The following TG variants were observed in gnomAD, a reference collection of about 807,000 sequenced individuals.
The protein encoded by TG is thyroid hormones.
A neutral mutation model predicts 324.7 loss-of-function variants in TG; 270 were observed. The ratio of observed to expected loss-of-function variants is 0.83; its 90% CI spans 0.75 to 0.92. The LOEUF (loss-of-function observed/expected upper bound fraction) is 0.92, where lower values mean the gene tolerates loss of function less well. TG is among the 40% of genes least tolerant of loss of function. The pLI, the probability that TG is intolerant of heterozygous loss-of-function variation, is 0.00. For missense variants in TG, 3,591 were observed against 3,456.4 expected, an observed-to-expected ratio of 1.04 and a Z score of -0.98; for synonymous variants, 1,401 against 1,327.0, an observed-to-expected ratio of 1.06 and a Z score of -1.21.
Position 132,960,958 on chromosome 8 carries a change from C to T in TG, c.5402-50C>T, listed in dbSNP as rs73353444. On this transcript the variant is annotated intron_variant, in intron 27 of 47. Transcript: ENST00000220616. ...GGGGCTATTGCAGTAATGGTGGGTA[C>T]CCAGTGACAGCACACTCAAGCTCAT... 2,377 of 1,569,936 alleles carry T rather than the reference C, an allele frequency of 1.5e-3. 29 individuals are homozygous for T. The African/African-American group carries it at 0.029, about 19-fold the overall frequency.
intron 35 of TG, chr8:132,994,615 A>G (rs1164637584): frequency 2.5e-6 from 3 of 1,178,516 alleles, no homozygotes; most frequent in Non-Finnish European, 3.3e-6. Flanking sequence ...TCCTTCAGTC[A>G]TCCATTCATT....
intron 43 of TG, among the ~76,000 whole-genome samples, chr8:133,112,359 G>C (rs566854643): frequency 6.6e-6 from 1 of 152,298 alleles, no homozygotes; most frequent in South Asian, 2.1e-4. Flanking sequence ...GACTGTGCTG[G>C]GGCCCAGGAG....
intron 37 of TG, among the ~76,000 whole-genome samples, chr8:133,015,695 C>A (rs1834963519): frequency 6.6e-6 from 1 of 152,202 alleles, no homozygotes; most frequent in African/African-American, 2.4e-5. Flanking sequence ...GAATGAGGTT[C>A]CAGCACTTCA....
chr8:133,095,200 C>G lies in TG; in HGVS notation c.7396C>G (p.Gln2466Glu), dbSNP rs1481485390. ...GCCTGCCAATGTCCTCAATGATGCC[C>G]AGACCAAGGTGAGCACTTAAGTGCA... ...QKPANVLNDAQTKLLAVSGPF... is the reference protein window; with the variant it reads ...QKPANVLNDAETKLLAVSGPF... Residue 2466 changes from glutamine to glutamate, a missense_variant, in exon 42 of 48, where the codon CAG becomes GAG. Transcript: ENST00000220616. 2 of 1,614,232 alleles carry G rather than the reference C, an allele frequency of 1.2e-6. No homozygotes were observed. Among genetic ancestry groups the G allele is most frequent in the Non-Finnish European group, 1.7e-6 (2 of 1,180,036 alleles).
chr8:133,087,712 A>C (rs563223917), intron 41 of TG: 1 of 152,200 alleles, frequency 6.6e-6, no homozygotes, highest in Non-Finnish European at 1.5e-5. Flanking sequence ...TCCATCATTC[A>C]CTCACCTTGA....
intron 6 of TG, 105 bp downstream of exon 6, chr8:132,882,074 C>T (rs1298919454): frequency 3.6e-6 from 3 of 827,242 alleles, no homozygotes; most frequent in Non-Finnish European, 6.0e-6. Context: ...GACTGCCTGC[C>T]CCCTGCCAGG....
At chr8:133,066,875 T>C (rs1268350664) in intron 41 of TG, among the ~76,000 whole-genome samples, 1 of 152,228 alleles carries the variant, frequency 6.6e-6, no homozygotes, top group Non-Finnish European at 1.5e-5. Context: ...GTGCAGGGGC[T>C]GGGGGGTTGG....
At chr8:133,046,635 C>A (rs940954393) in intron 41 of TG, 1 of 152,252 alleles carries the variant, frequency 6.6e-6, no homozygotes, top group African/African-American at 2.4e-5. Flanking sequence ...TTACGACACC[C>A]ACCCTGGGTT....
chr8:132,946,126 C>T (rs1375491463), intron 26 of TG, among the ~76,000 whole-genome samples: 1 of 151,894 alleles, frequency 6.6e-6, no homozygotes, highest in African/African-American at 2.4e-5. Context: ...AACTCAAATC[C>T]AGGATTCCTC....
chr8:133,133,863 AAAAG>A (rs1852141971), intron 47 of TG, among the ~76,000 whole-genome samples: 1 of 152,202 alleles, frequency 6.6e-6, no homozygotes. Flanking sequence ...GGCTGGAAGG[AAAAG>A]AAAGAGAGGC....
intron 27 of TG, among the ~76,000 whole-genome samples, chr8:132,959,374 A>G (rs1056309435): frequency 2.6e-5 from 4 of 152,228 alleles, no homozygotes; most frequent in Admixed American, 2.6e-4. Flanking sequence ...TAAATGGAGA[A>G]TAAGATTATA....
chr8:132,869,660 C>T, intron 2 of TG, 69 bp from the exon 3 acceptor site: 1 of 1,338,732 alleles, frequency 7.5e-7, no homozygotes, highest in South Asian at 1.2e-5. Context: ...GAAAAGTAGC[C>T]TGAGTGGGAG....
intron 33 of TG, 34 bp from the exon 34 acceptor site, chr8:132,972,564 T>C (rs772697052): frequency 2.5e-6 from 4 of 1,578,484 alleles, no homozygotes; most frequent in Non-Finnish European, 3.5e-6. Context: ...AGTTTCCTGA[T>C]TGTGGTTTTT....
At chr8:132,908,750 G>T (rs935615241) in intron 18 of TG, among the ~76,000 whole-genome samples, 1 of 152,180 alleles carries the variant, frequency 6.6e-6, no homozygotes, top group Admixed American at 6.5e-5. Flanking sequence ...TAAGAGCTAA[G>T]AGGGGAAATA....
rs1823135115 is a variant in TG, at chr8:132,933,688, C to A, written c.4932+12C>A. ...TGACTTCTGACCAGGTGAGGTGGGG[C>A]AGCCACGTGTGGTTCTGCTCCTCAT... On this transcript the variant is annotated intron_variant, in intron 24 of 47. Transcript: ENST00000220616. The A allele has an allele frequency of 1.2e-6, 2 of 1,611,706 alleles. No homozygotes were observed. The highest frequency in any genetic ancestry group is 1.3e-5 in the African/African-American group (1 of 74,978).
chr8:132,934,912 CCTT>C (rs1018212458), intron 24 of TG, among the ~76,000 whole-genome samples: 11 of 152,210 alleles, frequency 7.2e-5, no homozygotes, highest in East Asian at 5.8e-4. Context: ...AGCTTAAGAA[CCTT>C]CTTCTAGATA....
chr8:133,000,393 A>G (rs1361710130), intron 35 of TG, among the ~76,000 whole-genome samples: 1 of 152,224 alleles, frequency 6.6e-6, no homozygotes, highest in East Asian at 1.9e-4. Flanking sequence ...CTGTATGAGA[A>G]GCTCTGCTTT....
chr8:132,975,146 G>A (rs909706338), intron 34 of TG, among the ~76,000 whole-genome samples: 5 of 152,174 alleles, frequency 3.3e-5, no homozygotes, highest in Non-Finnish European at 5.9e-5. Flanking sequence ...GACCCCAAAG[G>A]AGACCCAGTG....
At chr8:132,958,132 TA>T (rs1280716122) in intron 27 of TG, among the ~76,000 whole-genome samples, 3 of 152,214 alleles carry the variant, frequency 2.0e-5, no homozygotes, top group Non-Finnish European at 4.4e-5. Context: ...AACTGCTTCT[TA>T]ATGGGGTCAT....
Sources: gnomAD v4.1 joint callset for allele counts (sites outside exome capture counted in the v4.1 genomes callset) on GRCh38, gnomAD v4.1.1 for gene constraint, MANE v1.5 for transcripts, NCBI Gene and HGNC (gene_info 2026-07-23, HGNC 2026-07-21) for gene names.